Variants in PDHA1 observed in about 807,000 individuals in gnomAD.
PDHA1 encodes the protein pyruvate dehydrogenase E1 component subunit alpha, somatic form, mitochondrial.
In PDHA1, 1 loss-of-function variant was observed where a neutral mutation model predicts 33.0. That is an observed-to-expected ratio of 0.03 (90% CI 0.01 to 0.14). The LOEUF (loss-of-function observed/expected upper bound fraction) is 0.14. PDHA1 is among the 10% of genes least tolerant of loss of function. The pLI, the probability that PDHA1 is intolerant of heterozygous loss-of-function variation, is 1.00. For missense variants in PDHA1, 168 were observed against 325.1 expected, an observed-to-expected ratio of 0.52 and a Z score of 3.72; for synonymous variants, 123 against 119.2, an observed-to-expected ratio of 1.03 and a Z score of -0.21.
At chrX:19,345,002 T>C (rs985312601) in intron 1 of PDHA1, among the ~76,000 whole-genome samples, 5 of 111,220 alleles carry the variant, frequency 4.5e-5, no homozygotes, top group Non-Finnish European at 9.4e-5. Flanking sequence ...TACCTACACA[T>C]TCTTAGGGTA....
Position 19,359,698 on chromosome X carries a change from G to A in PDHA1, c.*45G>A, listed in dbSNP as rs967185248. ...TATACCTTCAGGGGGCTACCAGACA[G>A]TGTTCTCAACTTGGTTAAGGAGGAA... On this transcript the variant is annotated 3_prime_UTR_variant, in exon 11 of 11. Transcript: ENST00000422285. The A allele has an allele frequency of 4.5e-6, 5 of 1,113,854 alleles. No homozygotes were observed. The Admixed American group carries it at 6.6e-5, about 15-fold the overall frequency. 91.8% of individuals were successfully genotyped at this position (1,113,854 alleles called of 1,213,427 possible).
Position 19,344,090 on chromosome X carries a change from A to T in PDHA1, c.53A>T (p.Lys18Met). 1 of 1,202,605 alleles carries T rather than the reference A, an allele frequency of 8.3e-7. No homozygotes were observed. The highest frequency in any genetic ancestry group is 1.7e-5 in the African/African-American group (1 of 57,547). ...VSRVLSGASQ[K>M]PASRVLVASR... ...CGCGTGCTGTCTGGCGCTTCTCAGAAGCCGGTGAGACCTCCCGGGCGGGCC... is the reference window on the plus strand; with the variant it reads ...CGCGTGCTGTCTGGCGCTTCTCAGATGCCGGTGAGACCTCCCGGGCGGGCC... The change falls in exon 1 of 11, where the codon AAG (lysine) becomes ATG (methionine). Residue 18 changes from lysine to methionine, a missense_variant. Coordinates refer to ENST00000422285, the MANE Select transcript of PDHA1 (RefSeq NM_000284.4).
intron 1 of PDHA1, among the ~76,000 whole-genome samples, chrX:19,348,870 G>A (rs761348754): frequency 6.3e-5 from 7 of 111,811 alleles, no homozygotes; most frequent in African/African-American, 1.3e-4. Context: ...ACTTGAACCC[G>A]GGAAGCGGAG....
rs1187290256 is a variant in PDHA1 at position 19,360,733 on chromosome X, G to A, written c.*1080G>A. On this transcript the variant is annotated 3_prime_UTR_variant, in exon 11 of 11. Coordinates refer to ENST00000422285, the MANE Select transcript of PDHA1 (RefSeq NM_000284.4). Reference sequence around the variant, plus strand: ...TAGCGTGGTGGGACACTCTGCCACAGCTTAGCTGATTGGTATCAAGCCTTG... The same window carrying A: ...TAGCGTGGTGGGACACTCTGCCACAACTTAGCTGATTGGTATCAAGCCTTG... 5.9e-6 allele frequency: 7 copies of A among 1,186,327 alleles called. No individual in the cohort carries two copies. Among genetic ancestry groups the A allele is most frequent in the Non-Finnish European group, 8.0e-6 (7 of 874,153 alleles).
intron 1 of PDHA1, 107 bp from the exon 2 acceptor site, chrX:19,349,205 G>A (rs751653038): frequency 1.2e-5 from 7 of 560,588 alleles, no homozygotes; most frequent in African/African-American, 2.3e-5. Context: ...AATATGTTGG[G>A]GCTTATTAAA....
intron 5 of PDHA1, 26 bp downstream of exon 5, chrX:19,353,199 T>C (rs764250080): frequency 1.5e-5 from 17 of 1,125,541 alleles, no homozygotes; most frequent in Admixed American, 2.2e-5. Context: ...GATTGTGTGC[T>C]GCTTTAGATT....
chrX:19,355,791 T>TTATC (rs2063193204), intron 8 of PDHA1, 34 bp downstream of exon 8: 2 of 1,066,383 alleles, frequency 1.9e-6, no homozygotes, highest in African/African-American at 1.9e-5. Flanking sequence ...CTAGTGACAT[T>TTATC]TATCTCTGGA....
At chrX:19,350,317 A>G (rs1398142577) in intron 3 of PDHA1, among the ~76,000 whole-genome samples, 1 of 111,765 alleles carries the variant, frequency 8.9e-6, no homozygotes, top group Non-Finnish European at 1.9e-5. Flanking sequence ...GCCTCTGGTT[A>G]GAGTACAGTG....
Position 19,360,656 on chromosome X carries a change from G to A in PDHA1, c.*1003G>A. On this transcript the variant is annotated 3_prime_UTR_variant, in exon 11 of 11. Transcript: ENST00000422285. ...ATTGAACAATGGCATTTTTAAATAT[G>A]TAAACACAGCGGAATTCGTGTATAC... The A allele has an allele frequency of 1.5e-6, 1 of 665,947 alleles. No homozygotes were observed. Among genetic ancestry groups the A allele is most frequent in the South Asian group, 2.5e-5 (1 of 40,752 alleles). 54.9% of individuals were successfully genotyped at this position (665,947 alleles called of 1,213,427 possible). A position where few individuals can be genotyped will look rare whatever the true frequency, so the allele number is the denominator to read the frequency against.
At chrX:19,346,585 A>G in intron 1 of PDHA1, 1 of 951,351 alleles carries the variant, frequency 1.1e-6, no homozygotes, top group Non-Finnish European at 1.4e-6. Flanking sequence ...CGGCCTCCCA[A>G]AGTGCTGGGA....
At chrX:19,357,825 A>G (rs769318780) in intron 9 of PDHA1, 106 bp downstream of exon 9, 3 of 613,756 alleles carry the variant, frequency 4.9e-6, no homozygotes, top group Non-Finnish European at 8.4e-6. Flanking sequence ...ATACCAGTTC[A>G]CTTCATGTAC....
chrX:19,357,582 C>T, intron 8 of PDHA1, 70 bp from the exon 9 acceptor site: 1 of 854,073 alleles, frequency 1.2e-6, no homozygotes, highest in African/African-American at 2.0e-5. Context: ...GCGTTTGAGG[C>T]CGTGGATTGC....
chrX:19,355,551 T>C lies in PDHA1; in HGVS notation c.759+47T>C, dbSNP rs756722741. 5.2e-6 allele frequency: 6 copies of C among 1,155,442 alleles called. No individual in the cohort carries two copies. In the African/African-American group the frequency reaches 9.0e-5, roughly 17 times the overall value. ...CCGGGGCCAAGGCCAAGGCCAAGGGTATGTCCTTGTGCAGACCCTTGACGA... is the reference window on the plus strand; with the variant it reads ...CCGGGGCCAAGGCCAAGGCCAAGGGCATGTCCTTGTGCAGACCCTTGACGA... On this transcript the variant is annotated intron_variant, in intron 7 of 10. Coordinates refer to ENST00000422285, the MANE Select transcript of PDHA1 (RefSeq NM_000284.4).
intron 4 of PDHA1, 69 bp from the exon 5 acceptor site, chrX:19,353,013 T>C: frequency 3.6e-6 from 3 of 837,192 alleles, no homozygotes; most frequent in Non-Finnish European, 5.4e-6. Context: ...AGTACATATT[T>C]GGGGTGCGGT....
chrX:19,360,949 G>T lies in PDHA1; in HGVS notation c.*1296G>T, dbSNP rs2063277925. 3.8e-6 allele frequency: 2 copies of T among 521,514 alleles called. No individual in the cohort carries two copies. The highest frequency in any genetic ancestry group is 6.2e-6 in the Non-Finnish European group (2 of 322,531). 43.0% of individuals were successfully genotyped at this position (521,514 alleles called of 1,213,427 possible). On this transcript the variant is annotated 3_prime_UTR_variant, in exon 11 of 11. Transcript: ENST00000422285. ...TAAAAACATTCTCCTCACATATGGA[G>T]GTGACGCTCGTGTCCCAGCAGTAGT...
At chrX:19,348,284 C>T (rs1011268209) in intron 1 of PDHA1, among the ~76,000 whole-genome samples, 3 of 112,099 alleles carry the variant, frequency 2.7e-5, no homozygotes, top group African/African-American at 6.5e-5. Flanking sequence ...TCTCACCCCC[C>T]GCCTCCAAGC....
At chrX:19,353,009 T>G in intron 4 of PDHA1, 73 bp from the exon 5 acceptor site, 2 of 803,396 alleles carry the variant, frequency 2.5e-6, no homozygotes, top group Non-Finnish European at 3.8e-6. Flanking sequence ...TCAGAGTACA[T>G]ATTTGGGGTG....
chrX:19,351,779 T>A (rs1421285248), intron 4 of PDHA1, among the ~76,000 whole-genome samples: 1 of 107,512 alleles, frequency 9.3e-6, no homozygotes, highest in East Asian at 2.9e-4. Context: ...CCCGTGACTA[T>A]TTGTTTGTTT....
At chrX:19,357,937 A>G (rs1030901918) in intron 9 of PDHA1, among the ~76,000 whole-genome samples, 3 of 112,297 alleles carry the variant, frequency 2.7e-5, no homozygotes, top group Non-Finnish European at 5.6e-5. Flanking sequence ...ACAAGCAGCA[A>G]TTTTTAAAGA....
Sources: gnomAD v4.1 joint callset for allele counts (sites outside exome capture counted in the v4.1 genomes callset) on GRCh38, gnomAD v4.1.1 for gene constraint, MANE v1.5 for transcripts, NCBI Gene and HGNC (gene_info 2026-07-23, HGNC 2026-07-21) for gene names.